Variants in INSC observed in about 807,000 individuals in gnomAD.
INSC encodes the protein protein inscuteable homolog.
In INSC, 67 loss-of-function variants were observed where a neutral mutation model predicts 58.6. The ratio of observed to expected loss-of-function variants is 1.14; its 90% CI spans 0.94 to 1.40. The LOEUF is 1.40. Among genes scored for constraint, INSC ranks in the 40% most tolerant of loss-of-function variants. The pLI is 0.00. For missense variants in INSC, 714 were observed against 692.0 expected, an observed-to-expected ratio of 1.03 and a Z score of -0.36; for synonymous variants, 262 against 276.1, an observed-to-expected ratio of 0.95 and a Z score of 0.51.
At chr11:15,116,618 T>A (rs1847701715) in intron 1 of INSC, among the ~76,000 whole-genome samples, 1 of 152,162 alleles carries the variant, frequency 6.6e-6, no homozygotes, top group Non-Finnish European at 1.5e-5. Context: ...CCATCCTGGC[T>A]ATTCTCTTCT....
chr11:15,163,374 T>A (rs962509921), intron 2 of INSC, among the ~76,000 whole-genome samples: 2 of 152,204 alleles, frequency 1.3e-5, no homozygotes, highest in Non-Finnish European at 2.9e-5. Context: ...TACTACAGTA[T>A]GTCTTGCATG....
At chr11:15,268,942 A>T in the INSC span, among the ~76,000 whole-genome samples, 2 of 152,102 alleles carry the variant, frequency 1.3e-5, no homozygotes, top group Non-Finnish European at 2.9e-5. Flanking sequence ...TACCTACATT[A>T]TTAACTTCAA....
intron 6 of INSC, among the ~76,000 whole-genome samples, chr11:15,200,268 G>T (rs865817190): frequency 6.6e-6 from 1 of 151,286 alleles, no homozygotes; most frequent in Admixed American, 6.6e-5. Context: ...CAGTTTTTTT[G>T]ATCAAAAAAT....
chr11:15,251,711 CTGGTGGGATGGTATGGTGGGA>C (rs1167753944), downstream of INSC, among the ~76,000 whole-genome samples: 1 of 152,018 alleles, frequency 6.6e-6, no homozygotes, highest in African/African-American at 2.4e-5. Context: ...CCACTTCATT[CTGGTGGGATGGTATGGTGGGA>C]TGGTGGGATG....
intron 1 of INSC, among the ~76,000 whole-genome samples, chr11:15,120,527 G>A (rs549768113): frequency 1.3e-5 from 2 of 152,206 alleles, no homozygotes; most frequent in Non-Finnish European, 2.9e-5. Context: ...ATTGTAGGTA[G>A]AGAGACCAGC....
intron 6 of INSC, among the ~76,000 whole-genome samples, chr11:15,195,126 C>T (rs895023131): frequency 2.0e-5 from 3 of 152,106 alleles, no homozygotes; most frequent in Admixed American, 6.5e-5. Flanking sequence ...CTGTTTTCTC[C>T]AAGGATTCTG....
At chr11:15,131,512 A>G (rs1053627179) in intron 1 of INSC, among the ~76,000 whole-genome samples, 5 of 152,194 alleles carry the variant, frequency 3.3e-5, no homozygotes, top group African/African-American at 9.6e-5. Flanking sequence ...CAAATATCCT[A>G]TATCCTTACT....
chr11:15,168,130 A>C (rs1849266669), intron 2 of INSC, among the ~76,000 whole-genome samples: 1 of 152,100 alleles, frequency 6.6e-6, no homozygotes, highest in Admixed American at 6.6e-5. Context: ...TTTTATTTTA[A>C]GTGCTGGGAT....
chr11:15,242,428 T>C (rs1464411855), intron 12 of INSC, among the ~76,000 whole-genome samples: 1 of 152,202 alleles, frequency 6.6e-6, no homozygotes, highest in Non-Finnish European at 1.5e-5. Context: ...GTGTGGCTTC[T>C]GAGTTAATTT....
chr11:15,159,926 C>A (rs948829476), intron 2 of INSC, among the ~76,000 whole-genome samples: 3 of 152,218 alleles, frequency 2.0e-5, no homozygotes, highest in Admixed American at 2.0e-4. Flanking sequence ...GACAGGACAG[C>A]AGCATAGGTT....
intron 2 of INSC, among the ~76,000 whole-genome samples, chr11:15,168,307 C>T (rs1253848859): frequency 8.6e-5 from 13 of 151,836 alleles, no homozygotes; most frequent in Admixed American, 8.5e-4. Context: ...GTATTGTTTC[C>T]CTCTCTGTGT....
chr11:15,177,148 C>A lies in INSC; in HGVS notation c.440C>A (p.Ser147Ter). 6.2e-7 allele frequency: 1 copy of A among 1,613,954 alleles called. No individual in the cohort carries two copies. Among genetic ancestry groups the A allele is most frequent in the Non-Finnish European group, 8.5e-7 (1 of 1,179,912 alleles). The change falls in exon 4 of 13, where the codon TCG (serine) becomes TAG (stop). Residue 147 changes from serine to a stop codon, truncating the protein, a stop_gained. Coordinates refer to ENST00000379556, the MANE Select transcript of INSC (RefSeq NM_001042536.3). LOFTEE classifies it high-confidence loss of function. ...CTAATGGAGAAATGCTCGGAGCTCT[C>A]GGCAGTCACAGAGAGGTAAATTTGG... is the stretch of plus-strand genomic sequence containing the variant. ...KLLMEKCSEL[S>*]AVTERCLQVE... is the part of the protein sequence containing the mutation.
At position 15,240,528 on chromosome 11, in the gene INSC, G is replaced by A. The variant is rs1427955897; in HGVS notation, c.1470+5G>A. 17 of 1,611,878 alleles carry A rather than the reference G, an allele frequency of 1.1e-5. No individual in the cohort carries two copies. The highest frequency in any genetic ancestry group is 1.4e-5 in the Non-Finnish European group (17 of 1,179,018). ...GCCGTGCTTGTGGCCTGCCTGGTGA[G>A]TTCTCAGTCTTCCCCCAGCTTTTCC... On this transcript the variant is annotated splice_donor_5th_base_variant and intron_variant, in intron 12 of 12. Transcript: ENST00000379556.
chr11:15,230,395 G>A (rs1423410148), intron 9 of INSC, among the ~76,000 whole-genome samples: 1 of 151,952 alleles, frequency 6.6e-6, no homozygotes, highest in Non-Finnish European at 1.5e-5. Context: ...GCAAGAGAGA[G>A]TGAAGGGGGA....
chr11:15,250,358 G>A (rs560980897), downstream of INSC, among the ~76,000 whole-genome samples: 36 of 152,324 alleles, frequency 2.4e-4, no homozygotes, highest in African/African-American at 6.3e-4. Context: ...AAGATTAAGC[G>A]AGATCATTTG....
downstream of INSC, among the ~76,000 whole-genome samples, chr11:15,248,180 G>C (rs1173535582): frequency 6.6e-6 from 1 of 152,142 alleles, no homozygotes; most frequent in African/African-American, 2.4e-5. Context: ...AGTTAAAATG[G>C]CATGTACCAG....
chr11:15,177,020 T>G (rs923270840), intron 3 of INSC, 91 bp from the exon 4 acceptor site: 1 of 987,298 alleles, frequency 1.0e-6, no homozygotes, highest in Non-Finnish European at 1.6e-6. Flanking sequence ...TAATTGATTC[T>G]TCATGTTTAA....
At position 15,131,207 on chromosome 11, in the gene INSC, A is replaced by G. The variant is rs371273890; in HGVS notation, c.-46+16204A>G. 3.0e-4 allele frequency among the ~76,000 whole-genome samples: 46 copies of G among 152,232 alleles called. 2 individuals carry two copies. In the South Asian group the frequency reaches 7.3e-3, roughly 24 times the overall value. ...CTCAGTTCTATTTTATCTATATACT[A>G]CATGATTTTTAATATGTCTATTTTC... is the stretch of plus-strand genomic sequence containing the variant. On this transcript the variant is annotated intron_variant, in intron 1 of 12. Transcript: ENST00000379556.
downstream of INSC, among the ~76,000 whole-genome samples, chr11:15,247,756 T>TATATATATATATATATATATATATATC (rs1473234183): frequency 2.0e-5 from 3 of 148,324 alleles, 1 homozygote; most frequent in Non-Finnish European, 3.0e-5. Flanking sequence ...TATATATATA[T>TATATATATATATATATATATATATATC]TTCACTGAGT....
Sources: gnomAD v4.1 joint callset for allele counts (sites outside exome capture counted in the v4.1 genomes callset) on GRCh38, gnomAD v4.1.1 for gene constraint, MANE v1.5 for transcripts, NCBI Gene and HGNC (gene_info 2026-07-23, HGNC 2026-07-21) for gene names.